Variants in CEP112 observed in about 807,000 individuals in gnomAD.
CEP112 encodes the protein centrosomal protein 112.
In CEP112, 127 loss-of-function variants were observed where a neutral mutation model predicts 153.0. That is an observed-to-expected ratio of 0.83 (90% confidence interval 0.72 to 0.96). The LOEUF is 0.96. Among genes scored for constraint, CEP112 ranks in the 40% least tolerant of loss-of-function variants. The pLI is 0.00. For missense variants in CEP112, 1,089 were observed against 1,101.2 expected (o/e 0.99, Z 0.16); for synonymous variants, 358 against 374.4 (o/e 0.96, Z 0.51).
chr17:65,892,859 T>C (rs968653227), intron 20 of CEP112, among the ~76,000 whole-genome samples: 1 of 152,144 alleles, frequency 6.6e-6, no homozygotes, highest in Non-Finnish European at 1.5e-5. Flanking sequence ...AAATTAGCTT[T>C]TCAGGAAACA....
chr17:65,717,056 A>G (rs2056654974), intron 23 of CEP112, among the ~76,000 whole-genome samples: 1 of 152,274 alleles, frequency 6.6e-6, no homozygotes, highest in South Asian at 2.1e-4. Flanking sequence ...ACCCGAAGAC[A>G]TTCTCAGCTG....
chr17:66,081,892 G>T (rs1352092277), intron 8 of CEP112, among the ~76,000 whole-genome samples: 1 of 152,118 alleles, frequency 6.6e-6, no homozygotes, highest in African/African-American at 2.4e-5. Context: ...TCCAGCCTTG[G>T]CAACAGAGCA....
intron 21 of CEP112, among the ~76,000 whole-genome samples, chr17:65,784,158 G>A (rs185325150): frequency 1.1e-4 from 17 of 152,334 alleles, no homozygotes; most frequent in Admixed American, 1.1e-3. Flanking sequence ...CAAGGCAAGA[G>A]CGATCAAAAG....
chr17:66,170,650 C>G (rs538071820), intron 4 of CEP112, among the ~76,000 whole-genome samples: 1 of 152,168 alleles, frequency 6.6e-6, no homozygotes, highest in South Asian at 2.1e-4. Context: ...GTAATCCCAG[C>G]TACTCTGGAG....
chr17:66,140,023 C>G (rs1379245046), intron 4 of CEP112, among the ~76,000 whole-genome samples: 1 of 152,146 alleles, frequency 6.6e-6, no homozygotes, highest in Non-Finnish European at 1.5e-5. Flanking sequence ...ATGCAAAAAT[C>G]CTCAACAAAA....
At chr17:65,825,704 T>G (rs2056806937) in intron 21 of CEP112, among the ~76,000 whole-genome samples, 1 of 151,872 alleles carries the variant, frequency 6.6e-6, no homozygotes, top group Non-Finnish European at 1.5e-5. Flanking sequence ...ATTAATTAAT[T>G]AAAATAAATA....
At chr17:65,654,766 A>G (rs143082315) in intron 24 of CEP112, 1 of 367,240 alleles carries the variant, frequency 2.7e-6, no homozygotes, top group East Asian at 6.7e-5. Flanking sequence ...ATTCACACAC[A>G]GAGGAAAGAC....
At chr17:65,864,708 G>A (rs557240689) in intron 20 of CEP112, among the ~76,000 whole-genome samples, 1 of 152,264 alleles carries the variant, frequency 6.6e-6, no homozygotes, top group South Asian at 2.1e-4. Flanking sequence ...ATGGCTGTTG[G>A]CTAAAGGAAA....
intron 1 of CEP112, among the ~76,000 whole-genome samples, chr17:66,186,045 T>C (rs998377035): frequency 9.2e-5 from 14 of 151,684 alleles, no homozygotes; most frequent in East Asian, 1.9e-4. Flanking sequence ...TCTCTCTCTC[T>C]CCCCACCCGC....
intron 24 of CEP112, among the ~76,000 whole-genome samples, chr17:65,676,538 A>C (rs1447607565): frequency 6.6e-6 from 1 of 152,202 alleles, no homozygotes; most frequent in Non-Finnish European, 1.5e-5. Flanking sequence ...CAAGTCTAAA[A>C]TTTATATAGA....
At chr17:66,131,624 C>T (rs922362096) in intron 5 of CEP112, among the ~76,000 whole-genome samples, 4 of 152,074 alleles carry the variant, frequency 2.6e-5, no homozygotes, top group African/African-American at 4.8e-5. Flanking sequence ...GCCTGTAGTC[C>T]CAGCTACTCG....
Position 66,029,911 on chromosome 17 carries a change from C to A in CEP112, c.1331G>T (p.Cys444Phe). The change falls in exon 13 of 27, where the codon TGT (cysteine) becomes TTT (phenylalanine). Residue 444 changes from cysteine to phenylalanine, a missense_variant. Coordinates refer to ENST00000535342, the MANE Select transcript of CEP112 (RefSeq NM_001199165.4). ...LIQEKAELER[C>F]YQITCSELQE... ...TAATTCACTACACGTTATCTGGTAA[C>A]ATCTTTCAAGTTCTGCTTTTTCTTG... is the stretch of plus-strand genomic sequence containing the variant. 6.2e-7 allele frequency: 1 copy of A among 1,613,790 alleles called. No individual in the cohort carries two copies. Among genetic ancestry groups the A allele is most frequent in the African/African-American group, 1.3e-5 (1 of 75,020 alleles).
chr17:66,118,157 T>C (rs1598386227), intron 6 of CEP112, among the ~76,000 whole-genome samples: 1 of 152,154 alleles, frequency 6.6e-6, no homozygotes. Context: ...ATCCCAATGC[T>C]GGGTCTACAT....
chr17:66,143,818 G>A (rs900608231), intron 4 of CEP112, among the ~76,000 whole-genome samples: 3 of 152,176 alleles, frequency 2.0e-5, no homozygotes, highest in Non-Finnish European at 4.4e-5. Context: ...AAACAGCCAT[G>A]AAGAACCACT....
intron 21 of CEP112, among the ~76,000 whole-genome samples, chr17:65,827,486 G>A (rs1389307024): frequency 6.6e-6 from 1 of 152,042 alleles, no homozygotes; most frequent in African/African-American, 2.4e-5. Context: ...CTACCACTCT[G>A]GTCTAAGCCA....
At chr17:65,702,917 G>A (rs232148) in intron 23 of CEP112, among the ~76,000 whole-genome samples, 70,310 of 151,910 alleles carry the variant, frequency 0.46, 16,684 homozygotes, top group Middle Eastern at 0.55. Context: ...CCATGATTCA[G>A]TTAACCCCCT....
At chr17:66,188,413 G>A (rs1239060673) in intron 1 of CEP112, among the ~76,000 whole-genome samples, 2 of 28,100 alleles carry the variant, frequency 7.1e-5, no homozygotes, top group African/African-American at 2.7e-4. Context: ...CCCCACCCCC[G>A]AGCCCTTATC....
At chr17:65,888,879 T>C (rs1188572570) in intron 20 of CEP112, among the ~76,000 whole-genome samples, 1 of 152,146 alleles carries the variant, frequency 6.6e-6, no homozygotes, top group Non-Finnish European at 1.5e-5. Flanking sequence ...ATCCAAGATA[T>C]GTTCTCCCGC....
chr17:66,072,838 G>A (rs1288857054), intron 8 of CEP112, among the ~76,000 whole-genome samples: 1 of 152,116 alleles, frequency 6.6e-6, no homozygotes, highest in Middle Eastern at 3.2e-3. Flanking sequence ...AATCCTGGAT[G>A]TATTATGTAC....
Sources: allele counts gnomAD v4.1 joint callset (sites outside exome capture counted in the v4.1 genomes callset), GRCh38; gene constraint gnomAD v4.1.1; transcripts MANE v1.5; gene names NCBI Gene and HGNC (gene_info 2026-07-23, HGNC 2026-07-21).